KCNK2: variants seen among roughly 807,000 people sequenced by gnomAD.
KCNK2 encodes potassium channel subfamily K member 2.
Under a neutral mutation model 40.5 loss-of-function variants are expected in KCNK2, and 21 were observed. That is an observed-to-expected ratio of 0.52 (90% CI 0.37 to 0.75). The LOEUF is 0.75. KCNK2 is among the 30% of genes least tolerant of loss of function. The pLI is 0.00. For missense variants in KCNK2, 399 were observed against 531.6 expected, an observed-to-expected ratio of 0.75 and a Z score of 2.45; for synonymous variants, 191 against 202.2, an observed-to-expected ratio of 0.94 and a Z score of 0.47.
intron 3 of KCNK2, among the ~76,000 whole-genome samples, chr1:215,137,308 A>C (rs1661967255): frequency 6.6e-6 from 1 of 152,210 alleles, no homozygotes; most frequent in Admixed American, 6.5e-5. Context: ...TAAAGGTGAT[A>C]ATTCAGGGTC....
chr1:215,226,922 C>G (rs1457614036), intron 6 of KCNK2, among the ~76,000 whole-genome samples: 3 of 152,156 alleles, frequency 2.0e-5, no homozygotes, highest in Admixed American at 6.5e-5. Flanking sequence ...TGGACCTTTA[C>G]TATGAATAGA....
In KCNK2 at chr1:215,083,201, C is replaced by CCCCCCCCT; in HGVS notation, c.-183_-182insCCCCCTCC. ...TTTCGTTTCTTCTCACGCTCCCCCC[C>CCCCCCCCT]CCGCCCCCTCCCGCGTCCAGCCCCG... On this transcript the variant is annotated 5_prime_UTR_variant, in exon 1 of 7. Coordinates refer to ENST00000444842, the MANE Select transcript of KCNK2 (RefSeq NM_001017425.3). The CCCCCCCCT allele has an allele frequency of 1.3e-6, 1 of 753,654 alleles. No homozygotes were observed. Among genetic ancestry groups the CCCCCCCCT allele is most frequent in the South Asian group, 1.5e-5 (1 of 66,002 alleles). The allele number at this position is 753,654 out of a possible 1,614,324, so 46.7% of individuals were successfully genotyped here.
chr1:215,212,372 A>T (rs1272033359), intron 6 of KCNK2, among the ~76,000 whole-genome samples: 1 of 152,094 alleles, frequency 6.6e-6, no homozygotes, highest in Admixed American at 6.6e-5. Context: ...AATATTTTTA[A>T]ACTTTCTAAA....
intron 6 of KCNK2, among the ~76,000 whole-genome samples, chr1:215,226,229 T>C (rs1194209051): frequency 6.6e-6 from 1 of 152,238 alleles, no homozygotes; most frequent in Non-Finnish European, 1.5e-5. Context: ...TATCAGAGGA[T>C]TAACATTTAT....
chr1:215,028,543 CATT>C (rs1317115077), intron 1 of KCNK2, among the ~76,000 whole-genome samples: 7 of 152,062 alleles, frequency 4.6e-5, no homozygotes, highest in African/African-American at 1.7e-4. Flanking sequence ...CTTGTTTTGT[CATT>C]ATCATTTTAA....
At chr1:215,210,011 A>AAC (rs1367253838) in intron 6 of KCNK2, among the ~76,000 whole-genome samples, 1 of 22,142 alleles carries the variant, frequency 4.5e-5, no homozygotes, top group African/African-American at 2.3e-4. Context: ...TATTATATAT[A>AAC]ATATATAATA....
intron 1 of KCNK2, among the ~76,000 whole-genome samples, chr1:215,050,379 TA>T (rs1657943587): frequency 6.6e-6 from 1 of 152,200 alleles, no homozygotes. Flanking sequence ...TGTCATGTCA[TA>T]ACTATTCATT....
intron 5 of KCNK2, among the ~76,000 whole-genome samples, chr1:215,185,380 G>A (rs1005273008): frequency 1.3e-5 from 2 of 152,122 alleles, no homozygotes; most frequent in Non-Finnish European, 2.9e-5. Flanking sequence ...TCCAGGGAGT[G>A]TTTTTGGAAT....
At chr1:215,016,444 TAAATCTACCAATTTATGGCC>T (rs1192732416) in intron 1 of KCNK2, among the ~76,000 whole-genome samples, 1 of 152,084 alleles carries the variant, frequency 6.6e-6, no homozygotes. Context: ...AGCCTAGAAA[TAAATCTACCAATTTATGGCC>T]AACTGATTTT....
chr1:215,231,563 A>G (rs577171579), intron 6 of KCNK2, among the ~76,000 whole-genome samples: 131 of 152,342 alleles, frequency 8.6e-4, no homozygotes, highest in African/African-American at 3.1e-3. Context: ...GGCTAAAGAC[A>G]TTAAAAAACT....
At chr1:215,034,444 A>T (rs1382915980) in intron 1 of KCNK2, among the ~76,000 whole-genome samples, 1 of 152,026 alleles carries the variant, frequency 6.6e-6, no homozygotes, top group Non-Finnish European at 1.5e-5. Context: ...CAATAGTAAG[A>T]ATGGAGTAGT....
At chr1:215,209,490 T>TATA (rs1553274217) in intron 6 of KCNK2, among the ~76,000 whole-genome samples, 8 of 3,094 alleles carry the variant, frequency 2.6e-3, no homozygotes, top group African/African-American at 3.6e-3. Flanking sequence ...ATATAATACA[T>TATA]ATATATAATA....
chr1:215,219,150 C>T (rs1260883435), intron 6 of KCNK2, among the ~76,000 whole-genome samples: 4 of 152,158 alleles, frequency 2.6e-5, no homozygotes, highest in Non-Finnish European at 4.4e-5. Flanking sequence ...AGAAGTACAT[C>T]TTTGATTTTA....
At chr1:215,125,735 AATAAATATATATATATATAT>A (rs1429279449) in intron 3 of KCNK2, among the ~76,000 whole-genome samples, 5 of 114,504 alleles carry the variant, frequency 4.4e-5, no homozygotes, top group East Asian at 2.4e-4. Context: ...CTTGAAGTAT[AATAAATATATATATATATAT>A]ATATATATAT....
At chr1:215,214,166 G>A (rs1027359956) in intron 6 of KCNK2, among the ~76,000 whole-genome samples, 5 of 152,128 alleles carry the variant, frequency 3.3e-5, no homozygotes, top group African/African-American at 7.2e-5. Context: ...TTGGCTCACC[G>A]TTCTGCAAGC....
intron 2 of KCNK2, among the ~76,000 whole-genome samples, chr1:215,101,673 C>T (rs1041424465): frequency 2.0e-5 from 3 of 151,840 alleles, no homozygotes; most frequent in Non-Finnish European, 2.9e-5. Context: ...AGTCTCATGC[C>T]GCATAATGAC....
rs368923002 is a variant in KCNK2, at chr1:215,086,403, G to A, written c.82G>A (p.Ala28Thr). 1.2e-5 allele frequency: 19 copies of A among 1,613,902 alleles called. No homozygotes were observed. Among genetic ancestry groups the A allele is most frequent in the African/African-American group, 5.3e-5 (4 of 74,860 alleles). ...TGACTTGCTGGATCCTAAATCTGCCGCTCAGAACTCCAAACCGAGGCTCTC... is the reference window on the plus strand; with the variant it reads ...TGACTTGCTGGATCCTAAATCTGCCACTCAGAACTCCAAACCGAGGCTCTC... Reference protein sequence around the residue: ...APDLLDPKSAAQNSKPRLSFS... With the variant: ...APDLLDPKSATQNSKPRLSFS... Residue 28 changes from alanine (A) to threonine (T), a missense_variant, in exon 2 of 7, where the codon GCT becomes ACT. Coordinates refer to ENST00000444842, the MANE Select transcript of KCNK2 (RefSeq NM_001017425.3).
At chr1:215,190,073 C>T (rs1232471079) in intron 5 of KCNK2, among the ~76,000 whole-genome samples, 1 of 152,134 alleles carries the variant, frequency 6.6e-6, no homozygotes, top group Non-Finnish European at 1.5e-5. Flanking sequence ...TCCGGAGTGG[C>T]TAGGTTATCC....
At chr1:215,135,114 G>A (rs2102594008) in intron 3 of KCNK2, among the ~76,000 whole-genome samples, 1 of 152,214 alleles carries the variant, frequency 6.6e-6, no homozygotes, top group South Asian at 2.1e-4. Context: ...AAAATCATGT[G>A]CTGTACATAT....
Sources: allele counts gnomAD v4.1 joint callset (sites outside exome capture counted in the v4.1 genomes callset), GRCh38; gene constraint gnomAD v4.1.1; transcripts MANE v1.5; gene names NCBI Gene and HGNC (gene_info 2026-07-23, HGNC 2026-07-21).